The following CLIP1 variants were observed in gnomAD, a reference collection of about 807,000 sequenced individuals.
CLIP1 encodes CAP-Gly domain containing linker protein 1, also known as CAP-Gly domain-containing linker protein 1.
CLIP1 carries 66 observed loss-of-function variants against 161.6 expected under a neutral mutation model. The observed-to-expected ratio is 0.41, with a 90% CI of 0.33 to 0.50. The LOEUF (loss-of-function observed/expected upper bound fraction) is 0.50. Ranked by LOEUF, CLIP1 falls within the 20% of genes least tolerant of loss-of-function variation. The pLI is 0.27. For missense variants in CLIP1, 1,376 were observed against 1,702.0 expected (o/e 0.81, Z 3.37); for synonymous variants, 598 against 626.2 (o/e 0.96, Z 0.67).
chr12:122,403,509 T>G (rs1260746236), intron 1 of CLIP1, among the ~76,000 whole-genome samples: 2 of 150,018 alleles, frequency 1.3e-5, no homozygotes, highest in South Asian at 2.1e-4. Context: ...GTTTTTTTTT[T>G]TTTTTTTTTT....
At chr12:122,326,430 A>G (rs965953565) in intron 17 of CLIP1, among the ~76,000 whole-genome samples, 1 of 152,238 alleles carries the variant, frequency 6.6e-6, no homozygotes, top group African/African-American at 2.4e-5. Context: ...CTGCAATCCC[A>G]GCACCTTGGG....
At chr12:122,415,377 G>C (rs1473891606) in intron 1 of CLIP1, among the ~76,000 whole-genome samples, 2 of 151,758 alleles carry the variant, frequency 1.3e-5, no homozygotes, top group African/African-American at 4.8e-5. Context: ...AGCTACTCGG[G>C]AGGCTGAGGC....
At chr12:122,336,802 G>A in intron 11 of CLIP1, 54 bp from the exon 12 acceptor site, 4 of 728,954 alleles carry the variant, frequency 5.5e-6, no homozygotes, top group Admixed American at 2.9e-5. Context: ...GAAAACAAAA[G>A]AGAATGAGAA....
intron 17 of CLIP1, among the ~76,000 whole-genome samples, chr12:122,325,304 C>A (rs1009427280): frequency 6.6e-6 from 1 of 152,034 alleles, no homozygotes; most frequent in African/African-American, 2.4e-5. Context: ...GTGATCCACC[C>A]ACCTAGGCCT....
chr12:122,403,494 G>GTTTTTTTTTTTTTTTTTTTTTTTT (rs1036910823), intron 1 of CLIP1, among the ~76,000 whole-genome samples: 2 of 55,816 alleles, frequency 3.6e-5, no homozygotes, highest in African/African-American at 4.8e-5. Context: ...ATCATTTCTT[G>GTTTTTTTTTTTTTTTTTTTTTTTT]TTTTGTTTTT....
chr12:122,416,654 A>G (rs1956768133), intron 1 of CLIP1, among the ~76,000 whole-genome samples: 1 of 152,146 alleles, frequency 6.6e-6, no homozygotes, highest in African/African-American at 2.4e-5. Flanking sequence ...TAATCCCAGC[A>G]CTTTGGGAAG....
At chr12:122,320,397 G>A (rs567929318) in intron 17 of CLIP1, among the ~76,000 whole-genome samples, 1 of 152,118 alleles carries the variant, frequency 6.6e-6, no homozygotes, top group African/African-American at 2.4e-5. Flanking sequence ...GAGCCCAGGA[G>A]GTGGAAAGTA....
chr12:122,356,983 C>T (rs1402252172), intron 5 of CLIP1, among the ~76,000 whole-genome samples: 4 of 152,300 alleles, frequency 2.6e-5, no homozygotes, highest in Non-Finnish European at 4.4e-5. Flanking sequence ...GATCTCGGCT[C>T]GCTACAACCT....
chr12:122,296,081 G>C (rs1199069404), intron 20 of CLIP1, among the ~76,000 whole-genome samples: 1 of 152,142 alleles, frequency 6.6e-6, no homozygotes, highest in African/African-American at 2.4e-5. Context: ...TTTATTCAGA[G>C]TGTTCAATCC....
rs1953267327 is a variant in CLIP1 at position 122,355,151 on chromosome 12, C to T, written c.1167G>A (p.Glu389=). ...CGTCCCGGGCCAGAGCTAGCTCCTG[C>T]TCTATCTCCCCCACGTGGCTCGTGG... ...AKATSHVGEI[E]QELALARDGH... The change falls in exon 6 of 26, where the codon GAG becomes GAA. Residue 389 remains glutamate, a synonymous_variant. Transcript: ENST00000620786. This position sits in a 1 kb window ranked among gnomAD's most constrained non-coding sequence, Gnocchi z 4.1. 1.2e-6 allele frequency: 2 copies of T among 1,614,216 alleles called. No individual in the cohort carries two copies. The highest frequency in any genetic ancestry group is 1.7e-6 in the Non-Finnish European group (2 of 1,180,026).
chr12:122,421,856 T>G (rs571772867), intron 1 of CLIP1, among the ~76,000 whole-genome samples: 2 of 152,308 alleles, frequency 1.3e-5, no homozygotes, highest in Non-Finnish European at 2.9e-5. Flanking sequence ...TCATCTGCCT[T>G]CCGCGCCAAT....
chr12:122,401,753 C>T (rs989973280), intron 1 of CLIP1, among the ~76,000 whole-genome samples: 1 of 152,008 alleles, frequency 6.6e-6, no homozygotes, highest in African/African-American at 2.4e-5. Flanking sequence ...AATCCCAGCA[C>T]TTTGGGAGGC....
Position 122,328,401 on chromosome 12 carries a change from G to A in CLIP1, c.2893C>T (p.Leu965Phe). Residue 965 changes from leucine (L) to phenylalanine (F), a missense_variant, in exon 16 of 26, where the codon CTT (leucine) becomes TTT (phenylalanine). Around this residue, in one of 6 missense-constraint regions of CLIP1, gnomAD observed 948 missense variants for 1,134.8 expected, o/e 0.84. Transcript: ENST00000620786. ...CTTGCATTTTCATTAGCCTTTGTAA[G>A]TTTTAGCTGTAATTCTTCTACATCT... The part of the protein sequence containing the change: ...ERDVEELQLK[L>F]TKANENASFL... 6.2e-7 allele frequency: 1 copy of A among 1,603,276 alleles called. No homozygotes were observed. Among genetic ancestry groups the A allele is most frequent in the Non-Finnish European group, 8.5e-7 (1 of 1,176,244 alleles).
chr12:122,401,361 T>C (rs920246220), intron 1 of CLIP1, among the ~76,000 whole-genome samples: 1 of 152,150 alleles, frequency 6.6e-6, no homozygotes, highest in African/African-American at 2.4e-5. Flanking sequence ...TCATCTCTAA[T>C]TATTAATGAA....
chr12:122,292,240 C>T (rs947248161), intron 20 of CLIP1, among the ~76,000 whole-genome samples: 49 of 151,738 alleles, frequency 3.2e-4, no homozygotes, highest in Middle Eastern at 3.4e-3. Context: ...TGGCCTCAAG[C>T]GATCTGCCCA....
intron 2 of CLIP1, among the ~76,000 whole-genome samples, chr12:122,379,151 A>AC (rs1954884694): frequency 6.6e-6 from 1 of 151,700 alleles, no homozygotes; most frequent in East Asian, 1.9e-4. Context: ...ACCAAAAAAA[A>AC]ACAAAAATTA....
At position 122,354,097 on chromosome 12, in the gene CLIP1, T is replaced by C. The variant is rs574614420; in HGVS notation, c.1307+356A>G. 2.0e-5 allele frequency among the ~76,000 whole-genome samples: 3 copies of C among 151,988 alleles called. No individual in the cohort carries two copies. In the South Asian group the frequency reaches 6.2e-4, roughly 32 times the overall value. On this transcript the variant is annotated intron_variant, in intron 7 of 25. Transcript: ENST00000620786. ...AATAGGAAATTTTCTTCTGAGGTCA[T>C]TGAAAATGAAAAGGCTGCTGGGCGC... is the stretch of plus-strand genomic sequence containing the variant.
At chr12:122,338,274 G>C (rs992008564) in intron 11 of CLIP1, among the ~76,000 whole-genome samples, 3 of 152,114 alleles carry the variant, frequency 2.0e-5, no homozygotes, top group Admixed American at 1.3e-4. Context: ...GGAGGCGGAG[G>C]CTGCAGTGAG....
intron 1 of CLIP1, among the ~76,000 whole-genome samples, chr12:122,407,572 G>C (rs987134341): frequency 2.0e-5 from 3 of 151,476 alleles, no homozygotes; most frequent in Non-Finnish European, 4.4e-5. Flanking sequence ...ATGGTGTCGC[G>C]TGCCTGCAGT....
Sources: allele counts gnomAD v4.1 joint callset (sites outside exome capture counted in the v4.1 genomes callset), GRCh38; gene constraint gnomAD v4.1.1; regional missense constraint gnomAD v4.1.1; non-coding constraint Gnocchi (gnomAD v3.1); transcripts MANE v1.5; gene names NCBI Gene and HGNC (gene_info 2026-07-23, HGNC 2026-07-21).